Variants in IL4I1 observed in about 807,000 individuals in gnomAD.
The protein encoded by IL4I1 is interleukin 4 induced 1, also known as L-amino-acid oxidase.
In IL4I1, 24 loss-of-function variants were observed where a neutral mutation model predicts 29.7. The ratio of observed to expected loss-of-function variants is 0.81; its 90% confidence interval spans 0.59 to 1.14. IL4I1 has a LOEUF of 1.14. Among genes scored for constraint, IL4I1 ranks in the 50% most tolerant of loss-of-function variants. The pLI, the probability that IL4I1 is intolerant of heterozygous loss-of-function variation, is 0.00. For synonymous variants in IL4I1, 371 were observed against 352.5 expected, an observed-to-expected ratio of 1.05 and a Z score of -0.59; for missense variants, 686 against 785.6, an observed-to-expected ratio of 0.87 and a Z score of 1.52.
At chr19:49,907,065 T>G (rs1344996354) in intron 2 of IL4I1, 3 of 156,054 alleles carry the variant, frequency 1.9e-5, no homozygotes, top group Admixed American at 1.2e-4. Context: ...GACGTTACAC[T>G]GGGCTTCATT....
intron 4 of IL4I1, 77 bp downstream of exon 4, chr19:49,894,991 G>T: frequency 9.2e-7 from 1 of 1,082,112 alleles, no homozygotes. Flanking sequence ...GTGGAAGTTC[G>T]GGCCCACTCT....
At chr19:49,890,711 C>G (rs1045073488) in intron 7 of IL4I1, 111 bp from the exon 8 acceptor site, 164 of 1,017,270 alleles carry the variant, frequency 1.6e-4, no homozygotes, top group Middle Eastern at 3.2e-4. Flanking sequence ...CGGCCCGCTC[C>G]CCCGTCATCC....
intron 6 of IL4I1, 24 bp from the exon 7 acceptor site, chr19:49,891,131 G>C: frequency 6.2e-7 from 1 of 1,607,142 alleles, no homozygotes; most frequent in South Asian, 1.1e-5. Flanking sequence ...ACAGGCCGAG[G>C]TTAGGGCCCA....
At chr19:49,923,086 C>G (rs903484268) in intron 2 of IL4I1, among the ~76,000 whole-genome samples, 2 of 150,828 alleles carry the variant, frequency 1.3e-5, no homozygotes, top group Non-Finnish European at 3.0e-5. Flanking sequence ...TTTTTTTTTG[C>G]ATAAGAGCTG....
chr19:49,901,915 A>G (rs953056784), intron 3 of IL4I1: 2 of 410,516 alleles, frequency 4.9e-6, no homozygotes, highest in African/African-American at 4.1e-5. Flanking sequence ...AACCCAGGTG[A>G]ATTCATGGCT....
chr19:49,925,747 T>C (rs1198894054), intron 2 of IL4I1, among the ~76,000 whole-genome samples: 1 of 152,180 alleles, frequency 6.6e-6, no homozygotes, highest in East Asian at 1.9e-4. Context: ...GAATGGCATT[T>C]GGTCAATGGT....
At chr19:49,925,714 G>A (rs2075870654) in intron 2 of IL4I1, among the ~76,000 whole-genome samples, 2 of 152,154 alleles carry the variant, frequency 1.3e-5, no homozygotes. Flanking sequence ...ACCAAAATCA[G>A]CATCAAGTGT....
intron 2 of IL4I1, among the ~76,000 whole-genome samples, chr19:49,924,791 CCT>C (rs2075846325): frequency 1.3e-5 from 2 of 152,276 alleles, no homozygotes; most frequent in African/African-American, 4.8e-5. Context: ...ACCCACTCAC[CCT>C]GAGTCCAGCT....
chr19:49,899,651 G>A (rs2075253635), upstream of IL4I1, among the ~76,000 whole-genome samples: 1 of 151,914 alleles, frequency 6.6e-6, no homozygotes. Context: ...CCACCTCCTG[G>A]GTTCACGCCA....
At chr19:49,924,029 T>C (rs1176916485) in intron 2 of IL4I1, among the ~76,000 whole-genome samples, 2 of 152,062 alleles carry the variant, frequency 1.3e-5, no homozygotes, top group African/African-American at 4.8e-5. Flanking sequence ...GTTGCGGCAA[T>C]AGCAGGGCGA....
intron 2 of IL4I1, among the ~76,000 whole-genome samples, chr19:49,904,684 C>T (rs2075299812): frequency 1.3e-5 from 2 of 151,722 alleles, no homozygotes; most frequent in Non-Finnish European, 2.9e-5. Flanking sequence ...TTACAGGCAC[C>T]CACCACCACG....
intron 2 of IL4I1, chr19:49,909,116 G>A (rs747223621): frequency 4.3e-6 from 7 of 1,612,556 alleles, no homozygotes; most frequent in African/African-American, 1.3e-5. Flanking sequence ...GGTGGCAGAT[G>A]AGGTTGGAGC....
At chr19:49,909,885 C>G in intron 2 of IL4I1, 1 of 1,491,086 alleles carries the variant, frequency 6.7e-7, no homozygotes, top group East Asian at 2.3e-5. Context: ...GGGAAGATTT[C>G]TAAAGCAGAG....
At chr19:49,894,495 G>T (rs777592341) in intron 4 of IL4I1, 26 bp from the exon 5 acceptor site, 2 of 1,610,730 alleles carry the variant, frequency 1.2e-6, no homozygotes, top group Non-Finnish European at 1.7e-6. Flanking sequence ...GGTGAGTGAG[G>T]GCCGGGCTCC....
Position 49,891,481 on chromosome 19 carries a change from G to A in IL4I1, c.568-8C>T, listed in dbSNP as rs1187747843. On this transcript the variant is annotated splice_polypyrimidine_tract_variant and splice_region_variant and intron_variant, in intron 5 of 7. Coordinates refer to ENST00000391826, the MANE Select transcript of IL4I1 (RefSeq NM_152899.2). ...CTTGAGGTCTTTGAGGGCCTGTTGT[G>A]GAAGAAGCAGACATGGTGCTGAGCT... 6.2e-7 allele frequency: 1 copy of A among 1,613,742 alleles called. No homozygotes were observed. The highest frequency in any genetic ancestry group is 1.1e-5 in the South Asian group (1 of 91,084).
At chr19:49,920,534 G>GACCA (rs1180952779) in intron 2 of IL4I1, among the ~76,000 whole-genome samples, 3 of 152,270 alleles carry the variant, frequency 2.0e-5, no homozygotes, top group East Asian at 1.9e-4. Flanking sequence ...CCAACCAACC[G>GACCA]ACCAACCAAC....
At chr19:49,904,780 G>A (rs1451275908) in intron 2 of IL4I1, among the ~76,000 whole-genome samples, 1 of 151,840 alleles carries the variant, frequency 6.6e-6, no homozygotes, top group Non-Finnish European at 1.5e-5. Context: ...CTTGATCTCT[G>A]CTCACTGTAA....
chr19:49,911,657 G>A (rs571556047), intron 2 of IL4I1, among the ~76,000 whole-genome samples: 1 of 152,242 alleles, frequency 6.6e-6, no homozygotes, highest in African/African-American at 2.4e-5. Flanking sequence ...TGACCCCAGG[G>A]CCAGCTGCAC....
rs1441560149 is a variant in IL4I1 at position 49,890,959 on chromosome 19, C to T, written c.773+12G>A. 2 of 1,445,524 alleles carry T rather than the reference C, an allele frequency of 1.4e-6. No individual in the cohort carries two copies. Among genetic ancestry groups the T allele is most frequent in the Non-Finnish European group, 1.8e-6 (2 of 1,082,910 alleles). The allele number at this position is 1,445,524 out of a possible 1,614,324, so 89.5% of individuals were successfully genotyped here. A position where few individuals can be genotyped will look rare whatever the true frequency, so the allele number is the denominator to read the frequency against. On this transcript the variant is annotated intron_variant, in intron 7 of 7. Transcript: ENST00000391826. ...CCGCCCCCCCCCCCTGCCCGCCAGC[C>T]CCGCCCCTTACTGGAGTCTGTCGCT...
Sources: allele counts gnomAD v4.1 joint callset (sites outside exome capture counted in the v4.1 genomes callset), GRCh38; gene constraint gnomAD v4.1.1; transcripts MANE v1.5; gene names NCBI Gene and HGNC (gene_info 2026-07-23, HGNC 2026-07-21).